Variants in PKIB observed in about 807,000 individuals in gnomAD.
The protein encoded by PKIB is PKI-beta.
In PKIB, 2 loss-of-function variants were observed where a neutral mutation model predicts 4.5. The ratio of observed to expected loss-of-function variants is 0.44; its 90% CI spans 0.18 to 1.39. PKIB has a LOEUF of 1.39. Ranked by LOEUF, PKIB falls within the 40% of genes most tolerant of loss-of-function variation. The pLI is 0.27. For missense variants in PKIB, 94 were observed against 92.6 expected, an observed-to-expected ratio of 1.02 and a Z score of -0.06; for synonymous variants, 38 against 36.0, an observed-to-expected ratio of 1.06 and a Z score of -0.20.
At position 122,499,015 on chromosome 6, in the gene PKIB, A is replaced by G. The variant is rs369789344; in HGVS notation, c.-248+21076A>G. Among the ~76,000 whole-genome samples, 488 of 152,326 alleles carry G rather than the reference A, an allele frequency of 3.2e-3. 5 individuals carry two copies. The highest frequency in any genetic ancestry group is 0.011 in the African/African-American group (471 of 41,568). Reference sequence around the variant, plus strand: ...ACAATCTCCCAAGACTGAATGAGGAACAAATTGAAAGCCTGAACTGACCAA... The same window carrying G: ...ACAATCTCCCAAGACTGAATGAGGAGCAAATTGAAAGCCTGAACTGACCAA... On this transcript the variant is annotated intron_variant, in intron 2 of 6. Coordinates refer to the PKIB transcript ENST00000392491.
At chr6:122,557,818 C>G (rs1193839739) in intron 2 of PKIB, among the ~76,000 whole-genome samples, 2 of 152,166 alleles carry the variant, frequency 1.3e-5, no homozygotes, top group Admixed American at 6.5e-5. Flanking sequence ...GAGGATCCTA[C>G]TCCTTATTTG....
At chr6:122,678,966 A>G (rs2114967857) in intron 3 of PKIB, among the ~76,000 whole-genome samples, 1 of 152,366 alleles carries the variant, frequency 6.6e-6, no homozygotes, top group Admixed American at 6.5e-5. Flanking sequence ...GGACACTGCA[A>G]CACGTGGCGG....
chr6:122,615,257 C>T (rs1295018892), intron 1 of PKIB, among the ~76,000 whole-genome samples: 1 of 152,084 alleles, frequency 6.6e-6, no homozygotes. Flanking sequence ...TATGTATATA[C>T]TGTTGTAATC....
chr6:122,587,551 A>G (rs1198061547), intron 3 of PKIB, among the ~76,000 whole-genome samples: 1 of 152,184 alleles, frequency 6.6e-6, no homozygotes, highest in South Asian at 2.1e-4. Flanking sequence ...CAGTAATGGG[A>G]TGGCTGGGTC....
intron 3 of PKIB, among the ~76,000 whole-genome samples, chr6:122,686,172 C>A (rs2114986714): frequency 6.6e-6 from 1 of 152,220 alleles, no homozygotes; most frequent in South Asian, 2.1e-4. Flanking sequence ...ATGTACATTG[C>A]AGTAGGATTG....
rs1779950160 is a variant in PKIB, at chr6:122,726,314, G to A, written c.*1119G>A. ...ATGTTTTATTTGATTGTTGACTTAG[G>A]CTATGTCTGTATACAGTAACCAAAT... On this transcript the variant is annotated 3_prime_UTR_variant, in exon 5 of 5. Transcript: ENST00000368452. The A allele has an allele frequency of 6.6e-6, 1 of 151,914 alleles. No homozygotes were observed. Among genetic ancestry groups the A allele is most frequent in the Non-Finnish European group, 1.5e-5 (1 of 67,962 alleles). 9.4% of individuals were successfully genotyped at this position (151,914 alleles called of 1,614,324 possible).
intron 2 of PKIB, among the ~76,000 whole-genome samples, chr6:122,634,243 GA>G (rs1356236590): frequency 1.3e-5 from 2 of 151,948 alleles, no homozygotes; most frequent in Admixed American, 1.3e-4. Flanking sequence ...AACATTAGGA[GA>G]AATACCTAAT....
intron 3 of PKIB, among the ~76,000 whole-genome samples, chr6:122,604,766 G>A (rs1774474225): frequency 6.6e-6 from 1 of 152,178 alleles, no homozygotes; most frequent in South Asian, 2.1e-4. Flanking sequence ...GTTGGGATCA[G>A]AACCCAACAT....
At position 122,675,142 on chromosome 6, in the gene PKIB, T is replaced by C. The variant is rs1341231074; in HGVS notation, c.-11T>C. 3 of 152,580 alleles carry C rather than the reference T, an allele frequency of 2.0e-5. No homozygotes were observed. The highest frequency in any genetic ancestry group is 4.4e-5 in the Non-Finnish European group (3 of 68,028). 9.5% of individuals were successfully genotyped at this position (152,580 alleles called of 1,614,324 possible). A position where few individuals can be genotyped will look rare whatever the true frequency, so the allele number is the denominator to read the frequency against. On this transcript the variant is annotated splice_region_variant and 5_prime_UTR_variant, in exon 3 of 5. Coordinates refer to ENST00000368452, the MANE Select transcript of PKIB (RefSeq NM_181795.3). The stretch of plus-strand genomic sequence containing the variant: ...AATAACAACATATTTTAATCAGAGA[T>C]TTGTAAGTATCCTTTTCTTCTTTAT...
intron 3 of PKIB, among the ~76,000 whole-genome samples, chr6:122,702,691 A>T (rs9388121): frequency 6.6e-6 from 1 of 152,148 alleles, no homozygotes; most frequent in African/African-American, 2.4e-5. Context: ...ATAAGTCTCC[A>T]TGAGAAAGAT....
At chr6:122,552,319 C>T (rs533809769) in intron 2 of PKIB, among the ~76,000 whole-genome samples, 20 of 152,168 alleles carry the variant, frequency 1.3e-4, no homozygotes, top group African/African-American at 4.3e-4. Context: ...CATAACCCAG[C>T]GGCCAGCAGC....
At position 122,713,555 on chromosome 6, in the gene PKIB, C is replaced by T. The variant is rs184587159; in HGVS notation, c.-8-4232C>T. 1.9e-3 allele frequency among the ~76,000 whole-genome samples: 288 copies of T among 152,192 alleles called. 1 individual carries two copies. The highest frequency in any genetic ancestry group is 6.5e-3 in the African/African-American group (269 of 41,520). ...TTTAAAAAAACCAAGCATGTGCAAT[C>T]GGTGTTGTATAGAAAACTAACAACA... On this transcript the variant is annotated intron_variant, in intron 3 of 4. Coordinates refer to ENST00000368452, the MANE Select transcript of PKIB (RefSeq NM_181795.3).
chr6:122,500,174 A>G (rs1776187425), intron 2 of PKIB, among the ~76,000 whole-genome samples: 1 of 152,176 alleles, frequency 6.6e-6, no homozygotes, highest in Non-Finnish European at 1.5e-5. Flanking sequence ...TCAGCATAAA[A>G]TCAGCATCTT....
intron 1 of PKIB, among the ~76,000 whole-genome samples, chr6:122,621,739 T>G (rs1775237431): frequency 6.6e-6 from 1 of 152,222 alleles, no homozygotes; most frequent in African/African-American, 2.4e-5. Context: ...TAGAAGTGCT[T>G]TGCCTATTAT....
chr6:122,502,745 A>T (rs899261134), intron 2 of PKIB, among the ~76,000 whole-genome samples: 1 of 152,182 alleles, frequency 6.6e-6, no homozygotes, highest in Non-Finnish European at 1.5e-5. Context: ...TACATACTGA[A>T]TATAGTAAAT....
intron 2 of PKIB, among the ~76,000 whole-genome samples, chr6:122,489,444 TG>T (rs1775876385): frequency 6.6e-6 from 1 of 152,106 alleles, no homozygotes; most frequent in Admixed American, 6.5e-5. Context: ...AATGGGGTTT[TG>T]CCATGCTGGC....
intron 2 of PKIB, among the ~76,000 whole-genome samples, chr6:122,510,186 T>C (rs1044905290): frequency 2.0e-5 from 3 of 152,206 alleles, no homozygotes; most frequent in African/African-American, 7.2e-5. Context: ...TTTTTTGAAT[T>C]TTTTTCAGGT....
intron 2 of PKIB, chr6:122,493,484 A>C (rs1201950560): frequency 1.3e-5 from 2 of 152,214 alleles, no homozygotes; most frequent in Middle Eastern, 3.2e-3. Context: ...ATGTATTGAA[A>C]TCTTCTATGA....
At chr6:122,529,185 CT>C (rs1198328081) in intron 2 of PKIB, among the ~76,000 whole-genome samples, 1 of 152,048 alleles carries the variant, frequency 6.6e-6, no homozygotes, top group Non-Finnish European at 1.5e-5. Context: ...TAATGATGTG[CT>C]TTGATTTACT....
Sources: allele counts gnomAD v4.1 joint callset (sites outside exome capture counted in the v4.1 genomes callset), GRCh38; gene constraint gnomAD v4.1.1; transcripts MANE v1.5; gene names NCBI Gene and HGNC (gene_info 2026-07-23, HGNC 2026-07-21).